The following NKAIN3 variants were observed in gnomAD, a reference collection of about 807,000 sequenced individuals.
NKAIN3 encodes sodium/potassium-transporting ATPase subunit beta-1-interacting protein 3.
Under a neutral mutation model 30.2 loss-of-function variants are expected in NKAIN3, and 25 were observed. That is an observed-to-expected ratio of 0.83 (90% CI 0.60 to 1.16). The LOEUF is 1.16. Ranked by LOEUF, NKAIN3 falls within the 50% of genes most tolerant of loss-of-function variation. NKAIN3 has a pLI of 0.00. For missense variants in NKAIN3, 225 were observed against 254.1 expected (o/e 0.89, Z 0.78); for synonymous variants, 91 against 89.6 (o/e 1.02, Z -0.09).
At chr8:62,748,420 T>C (rs1016842285) in intron 4 of NKAIN3, among the ~76,000 whole-genome samples, 1 of 152,172 alleles carries the variant, frequency 6.6e-6, no homozygotes, top group Non-Finnish European at 1.5e-5. Flanking sequence ...ACGCAAGCAT[T>C]TGTCAAGCCT....
At chr8:62,623,538 GAAT>G (rs1021963891) in intron 3 of NKAIN3, among the ~76,000 whole-genome samples, 9 of 151,922 alleles carry the variant, frequency 5.9e-5, no homozygotes, top group Non-Finnish European at 1.2e-4. Context: ...GATCAATTAA[GAAT>G]AATAAAAATA....
chr8:62,983,367 G>C lies in NKAIN3; in HGVS notation c.*17960G>C, dbSNP rs1162611363. On this transcript the variant is annotated 3_prime_UTR_variant, in exon 7 of 7. Transcript: ENST00000623646. Reference sequence around the variant, plus strand: ...AGCCGGGCTCTGATAGGAGGTGCCAGTGCTTTTCTTCTTCCAGTTTCAGAG... The same window carrying C: ...AGCCGGGCTCTGATAGGAGGTGCCACTGCTTTTCTTCTTCCAGTTTCAGAG... 6.6e-5 allele frequency: 10 copies of C among 152,180 alleles called. No individual in the cohort carries two copies. Among genetic ancestry groups the C allele is most frequent in the Non-Finnish European group, 1.2e-4 (8 of 68,050 alleles). 9.4% of individuals were successfully genotyped at this position (152,180 alleles called of 1,614,324 possible).
At chr8:62,787,134 A>T (rs551438971) in intron 4 of NKAIN3, among the ~76,000 whole-genome samples, 1 of 152,300 alleles carries the variant, frequency 6.6e-6, no homozygotes, top group African/African-American at 2.4e-5. Flanking sequence ...TTAATCATTC[A>T]TTGTGGCTTG....
chr8:62,854,753 T>G (rs1160255785), intron 4 of NKAIN3, among the ~76,000 whole-genome samples: 4 of 152,204 alleles, frequency 2.6e-5, no homozygotes, highest in Non-Finnish European at 5.9e-5. Context: ...GCTAGCTGAT[T>G]ATTTTTGCAG....
chr8:62,880,269 G>A (rs974420684), intron 4 of NKAIN3, among the ~76,000 whole-genome samples: 10 of 152,140 alleles, frequency 6.6e-5, no homozygotes, highest in Non-Finnish European at 4.4e-5. Flanking sequence ...CTGTCTGGAC[G>A]TTTTACCACC....
intron 4 of NKAIN3, among the ~76,000 whole-genome samples, chr8:62,813,282 C>T (rs193162930): frequency 2.1e-4 from 32 of 151,996 alleles, no homozygotes; most frequent in East Asian, 1.9e-4. Context: ...GTTAATATAA[C>T]GCCTGCAACA....
intron 3 of NKAIN3, among the ~76,000 whole-genome samples, chr8:62,704,802 CAAG>C (rs747585766): frequency 6.6e-6 from 1 of 152,000 alleles, no homozygotes; most frequent in African/African-American, 2.4e-5. Flanking sequence ...CCATCTTGGC[CAAG>C]AATTCCCTTT....
At chr8:62,883,457 G>GTTGTTTTTTT in intron 4 of NKAIN3, among the ~76,000 whole-genome samples, 1,628 of 70,022 alleles carry the variant, frequency 0.023, 164 homozygotes, top group African/African-American at 0.034. Context: ...AGTTTTATGG[G>GTTGTTTTTTT]TTTTTTTTTT....
chr8:62,643,078 C>A (rs902666279), intron 3 of NKAIN3, among the ~76,000 whole-genome samples: 1 of 151,890 alleles, frequency 6.6e-6, no homozygotes, highest in Non-Finnish European at 1.5e-5. Flanking sequence ...CCTTTGATAG[C>A]ATCTTTTTTT....
At chr8:62,560,187 A>G (rs1809523397) in intron 1 of NKAIN3, among the ~76,000 whole-genome samples, 1 of 152,160 alleles carries the variant, frequency 6.6e-6, no homozygotes, top group South Asian at 2.1e-4. Context: ...TGCTATCAAT[A>G]TAAATTTATC....
At chr8:62,534,009 C>G (rs77957349) in intron 1 of NKAIN3, among the ~76,000 whole-genome samples, 2 of 152,164 alleles carry the variant, frequency 1.3e-5, no homozygotes, top group Non-Finnish European at 2.9e-5. Flanking sequence ...TGACTTCAGA[C>G]GCAACATTAC....
In NKAIN3 at chr8:62,973,339, T is replaced by G. The variant is rs528974157; in HGVS notation, c.*7932T>G. Among the ~76,000 whole-genome samples, 1 of 151,744 alleles carries G rather than the reference T, an allele frequency of 6.6e-6. No homozygotes were observed. Among genetic ancestry groups the G allele is most frequent in the Non-Finnish European group, 1.5e-5 (1 of 67,762 alleles). On this transcript the variant is annotated 3_prime_UTR_variant, in exon 7 of 7. Transcript: ENST00000623646. Reference sequence around the variant, plus strand: ...CACATCCTCTCCAGCCTCTGTTGTATCCTTTTTAATGATCGCCATTCTAAC... The same window carrying G: ...CACATCCTCTCCAGCCTCTGTTGTAGCCTTTTTAATGATCGCCATTCTAAC...
At chr8:62,612,842 G>A (rs557470847) in intron 3 of NKAIN3, among the ~76,000 whole-genome samples, 2 of 152,026 alleles carry the variant, frequency 1.3e-5, no homozygotes, top group East Asian at 1.9e-4. Flanking sequence ...TTATTTTCAC[G>A]TGATAACAAC....
intron 4 of NKAIN3, among the ~76,000 whole-genome samples, chr8:62,810,690 A>G (rs754905143): frequency 1.2e-4 from 17 of 142,200 alleles, no homozygotes; most frequent in African/African-American, 4.3e-4. Context: ...CTTCTGTTAA[A>G]CTGATATTGA....
chr8:62,732,186 A>G (rs1047494775), intron 3 of NKAIN3, among the ~76,000 whole-genome samples: 1 of 152,188 alleles, frequency 6.6e-6, no homozygotes, highest in South Asian at 2.1e-4. Context: ...GAAAACTCTT[A>G]TCTGCCCCCA....
At chr8:62,780,123 C>G (rs1268931004) in intron 4 of NKAIN3, among the ~76,000 whole-genome samples, 1 of 151,866 alleles carries the variant, frequency 6.6e-6, no homozygotes, top group African/African-American at 2.4e-5. Context: ...CAACTGACAC[C>G]AGAGAAATAT....
In NKAIN3 at chr8:62,981,267, G is replaced by A. The variant is rs1020104111; in HGVS notation, c.*15860G>A. 1 of 152,080 alleles carries A rather than the reference G, an allele frequency of 6.6e-6. No homozygotes were observed. Among genetic ancestry groups the A allele is most frequent in the African/African-American group, 2.4e-5 (1 of 41,392 alleles). 9.4% of individuals were successfully genotyped at this position (152,080 alleles called of 1,614,324 possible). A position where few individuals can be genotyped will look rare whatever the true frequency, so the allele number is the denominator to read the frequency against. On this transcript the variant is annotated 3_prime_UTR_variant, in exon 7 of 7. Coordinates refer to ENST00000623646, the MANE Select transcript of NKAIN3 (RefSeq NM_001304533.3). ...AAGAAAATGGAGAGTTTTCATTAAA[G>A]GGCCCCTGCAAATCTATGATGCTAG...
chr8:62,826,437 T>A (rs1586241043), intron 4 of NKAIN3, among the ~76,000 whole-genome samples: 1 of 152,328 alleles, frequency 6.6e-6, no homozygotes, highest in Non-Finnish European at 1.5e-5. Flanking sequence ...TATATTCTCT[T>A]TAATTCAGAA....
At chr8:62,766,534 G>C (rs1816846319) in intron 4 of NKAIN3, among the ~76,000 whole-genome samples, 1 of 152,196 alleles carries the variant, frequency 6.6e-6, no homozygotes, top group African/African-American at 2.4e-5. Context: ...AGGGTTCCTA[G>C]TTGCTATTTT....
Sources: gnomAD v4.1 joint callset for allele counts (sites outside exome capture counted in the v4.1 genomes callset) on GRCh38, gnomAD v4.1.1 for gene constraint, MANE v1.5 for transcripts, NCBI Gene and HGNC (gene_info 2026-07-23, HGNC 2026-07-21) for gene names.